EPHA6: variants seen among roughly 807,000 people sequenced by gnomAD.
EPHA6 encodes the protein EPH receptor A6.
A neutral mutation model predicts 112.0 loss-of-function variants in EPHA6; 50 were observed. That is an observed-to-expected ratio of 0.45 (90% CI 0.36 to 0.56). The LOEUF (loss-of-function observed/expected upper bound fraction) is 0.56. EPHA6 is among the 20% of genes least tolerant of loss of function. The pLI, the probability that EPHA6 is intolerant of heterozygous loss-of-function variation, is 0.00. For synonymous variants in EPHA6, 529 were observed against 490.7 expected (o/e 1.08, Z -1.03); for missense variants, 1,280 against 1,417.4 (o/e 0.90, Z 1.56).
chr3:97,539,732 T>C (rs2092822189), intron 11 of EPHA6, among the ~76,000 whole-genome samples: 1 of 152,184 alleles, frequency 6.6e-6, no homozygotes, highest in Non-Finnish European at 1.5e-5. Flanking sequence ...ATGAAAAGGA[T>C]TGTGGTATCT....
intron 5 of EPHA6, among the ~76,000 whole-genome samples, chr3:97,384,826 A>C (rs1559944070): frequency 6.6e-6 from 1 of 152,102 alleles, no homozygotes; most frequent in Admixed American, 6.6e-5. Flanking sequence ...TATTTTCTTC[A>C]TGGCAAATAT....
At chr3:97,434,124 A>G (rs1015752471) in intron 6 of EPHA6, among the ~76,000 whole-genome samples, 1 of 152,180 alleles carries the variant, frequency 6.6e-6, no homozygotes, top group Non-Finnish European at 1.5e-5. Context: ...AAAATCTAAC[A>G]TAGGTAATAT....
chr3:97,187,019 A>G (rs1185047259), intron 3 of EPHA6, among the ~76,000 whole-genome samples: 2 of 152,150 alleles, frequency 1.3e-5, no homozygotes, highest in African/African-American at 4.8e-5. Context: ...CCATACTTTT[A>G]TAACCAATTT....
At chr3:97,139,708 C>CAAAAGT (rs1269363663) in intron 3 of EPHA6, among the ~76,000 whole-genome samples, 5 of 152,206 alleles carry the variant, frequency 3.3e-5, no homozygotes, top group African/African-American at 9.6e-5. Context: ...AAAGAAAATT[C>CAAAAGT]AAAAGTAAAA....
chr3:97,638,570 C>T (rs1441153064), intron 14 of EPHA6, among the ~76,000 whole-genome samples: 1 of 152,036 alleles, frequency 6.6e-6, no homozygotes, highest in African/African-American at 2.4e-5. Flanking sequence ...CACTCTAAAC[C>T]TTTTCCTAAA....
At chr3:96,917,985 G>T (rs2039571969) in intron 2 of EPHA6, among the ~76,000 whole-genome samples, 1 of 152,058 alleles carries the variant, frequency 6.6e-6, no homozygotes, top group Non-Finnish European at 1.5e-5. Flanking sequence ...CCAAGAGAAA[G>T]TTGAAAACCA....
At chr3:97,512,471 TA>T (rs960982861) in intron 10 of EPHA6, among the ~76,000 whole-genome samples, 10 of 152,172 alleles carry the variant, frequency 6.6e-5, no homozygotes, top group African/African-American at 2.4e-4. Flanking sequence ...CCTTTTCTCT[TA>T]TTTTTTTAAA....
intron 3 of EPHA6, among the ~76,000 whole-genome samples, chr3:97,018,834 T>A (rs992495846): frequency 3.3e-5 from 5 of 152,176 alleles, no homozygotes; most frequent in African/African-American, 1.2e-4. Flanking sequence ...TTTCCCGGTC[T>A]GCTAAGTAGC....
At chr3:97,507,088 A>G (rs370575066) in intron 10 of EPHA6, among the ~76,000 whole-genome samples, 1 of 152,264 alleles carries the variant, frequency 6.6e-6, no homozygotes, top group East Asian at 1.9e-4. Flanking sequence ...GGTTTTCTAA[A>G]TATACAATCA....
intron 13 of EPHA6, among the ~76,000 whole-genome samples, chr3:97,626,296 T>A (rs2093855985): frequency 1.3e-5 from 2 of 151,840 alleles, no homozygotes; most frequent in Admixed American, 1.3e-4. Context: ...ATCTTGGTCC[T>A]GGAGAAAAAT....
chr3:96,833,476 T>G (rs1475208254), intron 1 of EPHA6, among the ~76,000 whole-genome samples: 1 of 151,986 alleles, frequency 6.6e-6, no homozygotes, highest in Non-Finnish European at 1.5e-5. Flanking sequence ...CAGTTTGTGG[T>G]ACTTTGCCAT....
chr3:97,386,958 A>C (rs1211130056), intron 5 of EPHA6, among the ~76,000 whole-genome samples: 1 of 152,220 alleles, frequency 6.6e-6, no homozygotes, highest in African/African-American at 2.4e-5. Flanking sequence ...CCCCTGAAGC[A>C]ATGGCCCAAG....
At chr3:96,927,904 C>A (rs2040121730) in intron 2 of EPHA6, among the ~76,000 whole-genome samples, 1 of 152,174 alleles carries the variant, frequency 6.6e-6, no homozygotes, top group Non-Finnish European at 1.5e-5. Flanking sequence ...CACAGTTCTG[C>A]AGGGCTGGGC....
intron 7 of EPHA6, among the ~76,000 whole-genome samples, chr3:97,469,110 G>A (rs6784462): frequency 0.18 from 27,904 of 151,300 alleles, 3,788 homozygotes; most frequent in African/African-American, 0.37. Context: ...AATTAATATC[G>A]AATGATCATA....
intron 5 of EPHA6, among the ~76,000 whole-genome samples, chr3:97,251,305 C>T (rs1163438824): frequency 2.0e-5 from 3 of 152,100 alleles, no homozygotes; most frequent in South Asian, 4.2e-4. Context: ...CCGAGGCAGG[C>T]GGATCACGAG....
intron 3 of EPHA6, among the ~76,000 whole-genome samples, chr3:97,131,347 C>A (rs531177472): frequency 6.6e-6 from 1 of 152,004 alleles, no homozygotes; most frequent in African/African-American, 2.4e-5. Context: ...GTCAATATCC[C>A]CCAAAGTACT....
At chr3:97,512,944 G>A (rs2107596560) in intron 10 of EPHA6, among the ~76,000 whole-genome samples, 1 of 152,236 alleles carries the variant, frequency 6.6e-6, no homozygotes, top group South Asian at 2.1e-4. Context: ...CCATACTGGG[G>A]TAAATGATAT....
chr3:97,592,713 T>C lies in EPHA6; in HGVS notation c.2488T>C (p.Ser830Pro), dbSNP rs778369725. Residue 830 changes from serine to proline, a missense_variant, in exon 12 of 18, where the codon TCT becomes CCT. By Grantham distance (74) the Ser-to-Pro change is moderately conservative (BLOSUM62 -1). Around this residue, in one of 4 missense-constraint regions of EPHA6, gnomAD observed 878 missense variants for 999.7 expected, o/e 0.88. Transcript: ENST00000389672. ...CCCGCATCCAGTGCCAGGGGGAGGA[T>C]CTTTGCCCCCCAGGATTCCTGCTGG... ...QAPHPVPGGG[S>P]LPPRIPAGRP... The C allele has an allele frequency of 3.1e-6, 5 of 1,601,170 alleles. No homozygotes were observed. The highest frequency in any genetic ancestry group is 3.4e-6 in the Non-Finnish European group (4 of 1,176,190).
chr3:97,119,736 A>G (rs1438871836), intron 3 of EPHA6, among the ~76,000 whole-genome samples: 1 of 152,018 alleles, frequency 6.6e-6, no homozygotes, highest in African/African-American at 2.4e-5. Context: ...CAAAGAATGA[A>G]CATATAATTG....
Sources: allele counts gnomAD v4.1 joint callset (sites outside exome capture counted in the v4.1 genomes callset), GRCh38; gene constraint gnomAD v4.1.1; regional missense constraint gnomAD v4.1.1; transcripts MANE v1.5; gene names NCBI Gene and HGNC (gene_info 2026-07-23, HGNC 2026-07-21).